The following CSMD1 variants were observed in gnomAD, a reference collection of about 807,000 sequenced individuals.
CSMD1 encodes CUB and Sushi multiple domains 1.
CSMD1 carries 213 observed loss-of-function variants against 417.5 expected under a neutral mutation model. The observed-to-expected ratio is 0.51, with a 90% CI of 0.46 to 0.57. The LOEUF (loss-of-function observed/expected upper bound fraction) is 0.57, where lower values mean the gene tolerates loss of function less well. CSMD1 is among the 20% of genes least tolerant of loss of function. The probability of loss-of-function intolerance (pLI) is 0.00; values close to 1 mark genes in which losing one functional copy is unlikely to be tolerated. For synonymous variants in CSMD1, 2,862 were observed against 1,736.8 expected, an observed-to-expected ratio of 1.65 and a Z score of -16.11; for missense variants, 6,923 against 4,529.7, an observed-to-expected ratio of 1.53 and a Z score of -15.17.
chr8:3,725,827 C>T lies in CSMD1; in HGVS notation c.932-17336G>A, dbSNP rs142794677. Among the ~76,000 whole-genome samples, 8 of 152,294 alleles carry T rather than the reference C, an allele frequency of 5.3e-5. No individual in the cohort carries two copies. The East Asian group carries it at 1.4e-3, about 26-fold the overall frequency. On this transcript the variant is annotated intron_variant, in intron 6 of 69. Coordinates refer to ENST00000635120, the MANE Select transcript of CSMD1 (RefSeq NM_033225.6). ...TTTCAAGGACTGTGACTCAGTATCT[C>T]AACCCATGTATTCCACTTGCAGTGG... is the stretch of plus-strand genomic sequence containing the variant.
chr8:3,787,994 T>G (rs1799540307), intron 5 of CSMD1, among the ~76,000 whole-genome samples: 2 of 152,180 alleles, frequency 1.3e-5, no homozygotes, highest in South Asian at 4.1e-4. Context: ...GCTGTGAGTT[T>G]TAGACCAAGA....
At chr8:3,875,194 G>C (rs1009871612) in intron 5 of CSMD1, among the ~76,000 whole-genome samples, 3 of 152,086 alleles carry the variant, frequency 2.0e-5, no homozygotes, top group African/African-American at 7.2e-5. Flanking sequence ...GGAAGGAGTG[G>C]AACAGTGAGG....
intron 3 of CSMD1, among the ~76,000 whole-genome samples, chr8:4,063,060 T>A (rs1278333989): frequency 6.6e-6 from 1 of 152,142 alleles, no homozygotes; most frequent in Non-Finnish European, 1.5e-5. Flanking sequence ...GGGATAAATA[T>A]ATGAGAGAGA....
rs542456000 is a variant in CSMD1, at chr8:3,997,926, A to C, written c.795T>G (p.Ser265Arg). 4.8e-5 allele frequency: 78 copies of C among 1,612,404 alleles called. 2 individuals are homozygous for C. In the South Asian group the frequency reaches 7.6e-4, roughly 16 times the overall value. ...LEEGYDFLEI[S>R]GTEAPSIWLT... is the part of the protein sequence containing the mutation. Reference sequence around the variant, plus strand: ...ACCATATGGATGGAGCTTCCGTGCCACTGATCTCTAAGAAATCATATCCTT... The same window carrying C: ...ACCATATGGATGGAGCTTCCGTGCCCCTGATCTCTAAGAAATCATATCCTT... Residue 265 changes from serine (S) to arginine (R), a missense_variant, in exon 5 of 70, where the codon AGT (serine) becomes AGG (arginine). Physicochemically the swap from Ser to Arg is moderately radical, Grantham distance 110 (BLOSUM62 -1). Coordinates refer to ENST00000635120, the MANE Select transcript of CSMD1 (RefSeq NM_033225.6).
chr8:3,545,376 C>G (rs1464920634), intron 10 of CSMD1, among the ~76,000 whole-genome samples: 1 of 152,202 alleles, frequency 6.6e-6, no homozygotes, highest in Non-Finnish European at 1.5e-5. Flanking sequence ...TTCTACAAAA[C>G]AGCTGTAAAA....
At chr8:3,890,541 T>C (rs78127938) in intron 5 of CSMD1, among the ~76,000 whole-genome samples, 2,466 of 151,792 alleles carry the variant, frequency 0.016, 63 homozygotes, top group African/African-American at 0.057. Context: ...AATAACTCTA[T>C]CTCTCAAAGG....
intron 3 of CSMD1, among the ~76,000 whole-genome samples, chr8:4,384,723 C>G (rs1164026221): frequency 1.3e-5 from 2 of 152,184 alleles, no homozygotes; most frequent in Non-Finnish European, 2.9e-5. Context: ...CGTGCACACA[C>G]TCTATGGAGC....
intron 3 of CSMD1, among the ~76,000 whole-genome samples, chr8:4,356,106 C>T (rs563162075): frequency 6.6e-6 from 1 of 152,264 alleles, no homozygotes; most frequent in Non-Finnish European, 1.5e-5. Flanking sequence ...CCTCACACAC[C>T]TCCTAGTCTT....
At chr8:4,485,642 G>T (rs1485911659) in intron 2 of CSMD1, among the ~76,000 whole-genome samples, 1 of 152,096 alleles carries the variant, frequency 6.6e-6, no homozygotes, top group Non-Finnish European at 1.5e-5. Flanking sequence ...GATCTTGTAT[G>T]CTATCGCAGA....
chr8:4,146,174 C>A (rs1419378432), intron 3 of CSMD1, among the ~76,000 whole-genome samples: 1 of 150,922 alleles, frequency 6.6e-6, no homozygotes, highest in Non-Finnish European at 1.5e-5. Context: ...TCATACTCCG[C>A]TGGCCAAGTC....
chr8:4,522,165 G>T (rs561512098), intron 2 of CSMD1, among the ~76,000 whole-genome samples: 1 of 152,076 alleles, frequency 6.6e-6, no homozygotes, highest in East Asian at 1.9e-4. Context: ...GGCTGTTCTC[G>T]TGATAGTGAA....
intron 3 of CSMD1, among the ~76,000 whole-genome samples, chr8:4,205,921 C>A (rs1421389078): frequency 6.6e-6 from 1 of 152,142 alleles, no homozygotes; most frequent in Non-Finnish European, 1.5e-5. Flanking sequence ...CTCCTGCAGC[C>A]ACGTTTTTCT....
intron 12 of CSMD1, among the ~76,000 whole-genome samples, chr8:3,446,847 C>T (rs894136146): frequency 6.6e-6 from 1 of 152,148 alleles, no homozygotes; most frequent in African/African-American, 2.4e-5. Flanking sequence ...TGACTTCTAG[C>T]TGGTTTCATT....
At chr8:4,804,860 C>T (rs1301627644) in intron 1 of CSMD1, among the ~76,000 whole-genome samples, 1 of 152,152 alleles carries the variant, frequency 6.6e-6, no homozygotes, top group East Asian at 1.9e-4. Context: ...GGCTCATTGT[C>T]TAACAGCCTG....
At chr8:3,399,266 TAA>T in intron 16 of CSMD1, 123 bp downstream of exon 16, 1 of 782,930 alleles carries the variant, frequency 1.3e-6, no homozygotes, top group Admixed American at 2.7e-5. Flanking sequence ...CTGTTTCTGG[TAA>T]AGTGTGCTCC....
intron 5 of CSMD1, among the ~76,000 whole-genome samples, chr8:3,802,498 G>A (rs999192815): frequency 6.6e-6 from 1 of 152,128 alleles, no homozygotes; most frequent in Admixed American, 6.6e-5. Flanking sequence ...TGAAATTGAT[G>A]TGAGGTCACT....
chr8:4,715,575 G>T (rs570991549), intron 1 of CSMD1, among the ~76,000 whole-genome samples: 15 of 152,160 alleles, frequency 9.9e-5, no homozygotes, highest in African/African-American at 3.6e-4. Flanking sequence ...GAACTTCTCT[G>T]CGGATGCCTC....
chr8:4,049,011 G>T (rs778404935), intron 3 of CSMD1, among the ~76,000 whole-genome samples: 1 of 152,098 alleles, frequency 6.6e-6, no homozygotes. Flanking sequence ...TGATGTTAAT[G>T]ATCACCTTTT....
intron 59 of CSMD1, 87 bp from the exon 60 acceptor site, chr8:2,963,482 G>T: frequency 1.5e-6 from 2 of 1,364,262 alleles, no homozygotes; most frequent in Non-Finnish European, 2.1e-6. Flanking sequence ...AATTTTACCT[G>T]AATTACAAAT....
Sources: gnomAD v4.1 joint callset for allele counts (sites outside exome capture counted in the v4.1 genomes callset) on GRCh38, gnomAD v4.1.1 for gene constraint, MANE v1.5 for transcripts, NCBI Gene and HGNC (gene_info 2026-07-23, HGNC 2026-07-21) for gene names.